ATRNL1: variants seen among roughly 807,000 people sequenced by gnomAD.
The protein encoded by ATRNL1 is attractin like 1, also known as attractin-like protein 1.
A neutral mutation model predicts 182.7 loss-of-function variants in ATRNL1; 95 were observed. The observed-to-expected ratio is 0.52, with a 90% CI of 0.44 to 0.62. The LOEUF (loss-of-function observed/expected upper bound fraction) is 0.62. Among genes scored for constraint, ATRNL1 ranks in the 20% least tolerant of loss-of-function variants. ATRNL1 has a pLI of 0.00. For missense variants in ATRNL1, 1,471 were observed against 1,679.5 expected, an observed-to-expected ratio of 0.88 and a Z score of 2.17; for synonymous variants, 576 against 568.3, an observed-to-expected ratio of 1.01 and a Z score of -0.19.
intron 13 of ATRNL1, among the ~76,000 whole-genome samples, chr10:115,269,034 A>T (rs1179526765): frequency 6.6e-6 from 1 of 152,224 alleles, no homozygotes; most frequent in Non-Finnish European, 1.5e-5. Flanking sequence ...GCTGCTAAAC[A>T]TTCTACAGTT....
intron 18 of ATRNL1, among the ~76,000 whole-genome samples, chr10:115,331,710 C>T (rs9651421): frequency 0.99 from 150,836 of 152,180 alleles, 74,765 homozygotes; most frequent in Middle Eastern, 1. Context: ...TTTGTGACTG[C>T]TCTGTTTCGG....
At chr10:115,421,646 T>G (rs1845656367) in intron 20 of ATRNL1, among the ~76,000 whole-genome samples, 1 of 152,162 alleles carries the variant, frequency 6.6e-6, no homozygotes, top group African/African-American at 2.4e-5. Context: ...CATAGTATGA[T>G]GGCATTCCTA....
At chr10:115,718,987 T>C (rs1947337201) in intron 26 of ATRNL1, among the ~76,000 whole-genome samples, 1 of 152,198 alleles carries the variant, frequency 6.6e-6, no homozygotes, top group Non-Finnish European at 1.5e-5. Context: ...CAGTAGGAGC[T>C]CAGTAAAAAT....
chr10:115,296,806 G>T (rs1453833646), intron 15 of ATRNL1, among the ~76,000 whole-genome samples: 2 of 152,272 alleles, frequency 1.3e-5, no homozygotes, highest in East Asian at 3.9e-4. Flanking sequence ...GAAGGATAGA[G>T]CAGTAGTTAT....
chr10:115,585,844 A>C (rs1303561628), intron 26 of ATRNL1, among the ~76,000 whole-genome samples: 1 of 54,890 alleles, frequency 1.8e-5, no homozygotes. Context: ...GTTTCTTCCT[A>C]GTCTCGATGG....
At chr10:115,912,981 C>A (rs991358420) in intron 28 of ATRNL1, among the ~76,000 whole-genome samples, 1 of 152,176 alleles carries the variant, frequency 6.6e-6, no homozygotes, top group South Asian at 2.1e-4. Context: ...GTGTCCCTTA[C>A]ACCTACCTTA....
chr10:115,477,975 G>A (rs1166737190), intron 24 of ATRNL1, among the ~76,000 whole-genome samples: 2 of 151,600 alleles, frequency 1.3e-5, no homozygotes, highest in Non-Finnish European at 3.0e-5. Context: ...TTGTCAGTAA[G>A]CAGTAGGTAT....
chr10:115,847,060 C>G (rs1555098990), intron 27 of ATRNL1, among the ~76,000 whole-genome samples: 1 of 151,954 alleles, frequency 6.6e-6, no homozygotes, highest in African/African-American at 2.4e-5. Context: ...CTAAAGTTAT[C>G]TATACAAGTG....
At position 115,215,719 on chromosome 10, in the gene ATRNL1, A is replaced by G; in HGVS notation, c.1371A>G (p.Pro457=). 1.3e-6 allele frequency: 2 copies of G among 1,596,578 alleles called. No individual in the cohort carries two copies. Among genetic ancestry groups the G allele is most frequent in the Non-Finnish European group, 8.5e-7 (1 of 1,174,442 alleles). The stretch of plus-strand genomic sequence containing the variant: ...CAGCATCAAACACTTGGCTTGTTCC[A>G]GAAACTAAAGGAGCTATTGTACAAG... ...YHISSNTWLV[P]ETKGAIVQGG... The change falls in exon 9 of 29, where the codon CCA becomes CCG. Residue 457 remains proline, a synonymous_variant. Coordinates refer to ENST00000355044, the MANE Select transcript of ATRNL1 (RefSeq NM_207303.4).
At position 115,895,473 on chromosome 10, in the gene ATRNL1, A is replaced by G. The variant is rs1952183517; in HGVS notation, c.4018+47482A>G. Among the ~76,000 whole-genome samples the G allele has an allele frequency of 2.0e-5, 3 of 152,312 alleles. No individual in the cohort carries two copies. In the South Asian group the frequency reaches 6.2e-4, roughly 32 times the overall value. On this transcript the variant is annotated intron_variant, in intron 28 of 28. Coordinates refer to ENST00000355044, the MANE Select transcript of ATRNL1 (RefSeq NM_207303.4). ...GCTTTGTGGAAGCTCCAGCACATTT[A>G]TAATCACTTTCTACTCACTCTTGAC...
chr10:115,597,763 G>T (rs1555014616), intron 26 of ATRNL1: 1 of 407,870 alleles, frequency 2.5e-6, no homozygotes, highest in Non-Finnish European at 4.9e-6. Flanking sequence ...GGCCAGACTG[G>T]ACCTCAGGCG....
chr10:115,902,809 C>CG (rs1156683978), intron 28 of ATRNL1, among the ~76,000 whole-genome samples: 2 of 152,146 alleles, frequency 1.3e-5, no homozygotes, highest in Non-Finnish European at 1.5e-5. Context: ...TGAGAAGCAA[C>CG]GGGGGGATCT....
chr10:115,258,512 T>C (rs1325644216), intron 10 of ATRNL1, among the ~76,000 whole-genome samples: 1 of 152,138 alleles, frequency 6.6e-6, no homozygotes, highest in African/African-American at 2.4e-5. Flanking sequence ...TAGCCATTCG[T>C]CTAATCTTTT....
chr10:115,513,334 C>CA (rs1266689678), intron 24 of ATRNL1, among the ~76,000 whole-genome samples: 1 of 151,936 alleles, frequency 6.6e-6, no homozygotes, highest in Non-Finnish European at 1.5e-5. Context: ...TGTTAAAAAG[C>CA]GATTTCTTGT....
chr10:115,560,163 A>G (rs1853611741), intron 26 of ATRNL1, among the ~76,000 whole-genome samples: 2 of 152,212 alleles, frequency 1.3e-5, no homozygotes, highest in Admixed American at 1.3e-4. Context: ...ATACACAGGA[A>G]CAAACTTAAC....
intron 9 of ATRNL1, among the ~76,000 whole-genome samples, chr10:115,239,291 G>C (rs781784505): frequency 4.1e-4 from 62 of 151,978 alleles, no homozygotes; most frequent in Non-Finnish European, 8.2e-4. Flanking sequence ...AGAGTGCAGT[G>C]GTGCGATCTC....
At chr10:115,125,529 T>G (rs1321309828) in intron 3 of ATRNL1, among the ~76,000 whole-genome samples, 2 of 151,932 alleles carry the variant, frequency 1.3e-5, no homozygotes, top group Non-Finnish European at 2.9e-5. Flanking sequence ...GCTGGACAAT[T>G]GTGTGTTGGA....
chr10:115,434,181 T>C (rs1364972414), intron 21 of ATRNL1, among the ~76,000 whole-genome samples: 1 of 152,150 alleles, frequency 6.6e-6, no homozygotes, highest in Non-Finnish European at 1.5e-5. Context: ...CATAATATTA[T>C]TGTGAATGTT....
chr10:115,730,020 G>C (rs1157006505), intron 27 of ATRNL1, among the ~76,000 whole-genome samples: 1 of 151,838 alleles, frequency 6.6e-6, no homozygotes, highest in Non-Finnish European at 1.5e-5. Flanking sequence ...ACTTTGGGAG[G>C]CCGAGGTGGG....
Sources: allele counts gnomAD v4.1 joint callset (sites outside exome capture counted in the v4.1 genomes callset), GRCh38; gene constraint gnomAD v4.1.1; transcripts MANE v1.5; gene names NCBI Gene and HGNC (gene_info 2026-07-23, HGNC 2026-07-21).